DSN1: variants seen among roughly 807,000 people sequenced by gnomAD.
DSN1 encodes the protein kinetochore-associated protein DSN1 homolog.
A neutral mutation model predicts 45.7 loss-of-function variants in DSN1; 31 were observed. That is an observed-to-expected ratio of 0.68 (90% CI 0.51 to 0.92). The LOEUF is 0.92. Ranked by LOEUF, DSN1 falls within the 40% of genes least tolerant of loss-of-function variation. DSN1 has a pLI of 0.00. For missense variants in DSN1, 394 were observed against 414.2 expected, an observed-to-expected ratio of 0.95 and a Z score of 0.42; for synonymous variants, 134 against 142.3, an observed-to-expected ratio of 0.94 and a Z score of 0.41.
Position 36,755,745 on chromosome 20 carries a change from T to C in DSN1, c.810A>G (p.Thr270=), listed in dbSNP as rs1380153013. 1 of 1,614,114 alleles carries C rather than the reference T, an allele frequency of 6.2e-7. No homozygotes were observed. The highest frequency in any genetic ancestry group is 1.7e-5 in the Admixed American group (1 of 60,004). Residue 270 remains threonine (T), a synonymous_variant, in exon 9 of 11, where the codon ACA becomes ACG. Transcript: ENST00000373750. ...LGSSQNEVLN[T]KPDYQKILQN... Reference sequence around the variant, plus strand: ...GTAATATTTTCTGGTAGTCAGGTTTTGTATTAAGAACTTCATTCTGAGAAG... The same window carrying C: ...GTAATATTTTCTGGTAGTCAGGTTTCGTATTAAGAACTTCATTCTGAGAAG...
intron 10 of DSN1, among the ~76,000 whole-genome samples, chr20:36,754,006 CAA>C: frequency 7.3e-6 from 1 of 136,464 alleles, no homozygotes; most frequent in African/African-American, 2.7e-5. Context: ...AACTCCGTCT[CAA>C]AAAAAAAAAC....
At chr20:36,766,219 A>T (rs1334316942) in intron 5 of DSN1, among the ~76,000 whole-genome samples, 1 of 151,900 alleles carries the variant, frequency 6.6e-6, no homozygotes, top group African/African-American at 2.4e-5. Flanking sequence ...AAAAGAAAAA[A>T]AAAGCAATAA....
rs776036893 is a variant in DSN1, at chr20:36,770,935, C to T, written c.293G>A (p.Arg98Gln). ...CCGGTTCGTTTCTTTCATACTTGCT[C>T]GCCGCCAGGATTGCCTCCTGTCTTG... is the stretch of plus-strand genomic sequence containing the variant. ...SYQDRRQSWR[R>Q]ASMKETNRRK... Residue 98 changes from arginine (R) to glutamine (Q), a missense_variant, in exon 3 of 11, where the codon CGA becomes CAA. By Grantham distance (43) the Arg-to-Gln change is conservative (BLOSUM62 1). Transcript: ENST00000373750. 6.8e-6 allele frequency: 11 copies of T among 1,614,118 alleles called. No individual in the cohort carries two copies. In the South Asian group the frequency reaches 7.7e-5, roughly 11 times the overall value.
At chr20:36,756,721 C>G (rs1274645616) in intron 8 of DSN1, among the ~76,000 whole-genome samples, 1 of 150,730 alleles carries the variant, frequency 6.6e-6, no homozygotes, top group Non-Finnish European at 1.5e-5. Flanking sequence ...TGCCCAAGGT[C>G]ACAAAACTAA....
chr20:36,755,143 C>T (rs1018623769), intron 9 of DSN1, among the ~76,000 whole-genome samples: 1 of 152,084 alleles, frequency 6.6e-6, no homozygotes, highest in Non-Finnish European at 1.5e-5. Context: ...GTGACTTTCT[C>T]CCATTAGATG....
chr20:36,766,685 G>A (rs1243028704), intron 5 of DSN1, 84 bp downstream of exon 5: 1 of 1,202,066 alleles, frequency 8.3e-7, no homozygotes, highest in Non-Finnish European at 1.2e-6. Context: ...AGTTTTATAA[G>A]GGAGCAGCTT....
intron 5 of DSN1, among the ~76,000 whole-genome samples, chr20:36,764,138 T>A (rs778123450): frequency 3.3e-5 from 5 of 151,886 alleles, no homozygotes; most frequent in African/African-American, 4.8e-5. Flanking sequence ...GGAGAAATGC[T>A]TGAGCCTAGG....
Position 36,769,268 on chromosome 20 carries a change from C to T in DSN1, c.356-1226G>A, listed in dbSNP as rs563616429. Among the ~76,000 whole-genome samples, 443 of 152,348 alleles carry T rather than the reference C, an allele frequency of 2.9e-3. 1 individual carries two copies. Among genetic ancestry groups the T allele is most frequent in the African/African-American group, 0.01 (424 of 41,584 alleles). On this transcript the variant is annotated intron_variant, in intron 3 of 10. Coordinates refer to ENST00000373750, the MANE Select transcript of DSN1 (RefSeq NM_001145315.2). Reference sequence around the variant, plus strand: ...AGCTACATGTCTTTTTGCCCTCTAGCTTCAGCTGGTTGTGTTTTTAAAGTT... The same window carrying T: ...AGCTACATGTCTTTTTGCCCTCTAGTTTCAGCTGGTTGTGTTTTTAAAGTT...
intron 6 of DSN1, among the ~76,000 whole-genome samples, chr20:36,759,491 T>G (rs1335070246): frequency 6.6e-6 from 1 of 151,992 alleles, no homozygotes; most frequent in African/African-American, 2.4e-5. Context: ...GTAATAACTT[T>G]CTTTTTTTTT....
chr20:36,755,674 C>A lies in DSN1; in HGVS notation c.873+8G>T, dbSNP rs993154619. ...ATAACTCAACTAAATAAACATGAGC[C>A]CACTTACCACCAACTCCATACAGTC... On this transcript the variant is annotated splice_region_variant and intron_variant, in intron 9 of 10. Transcript: ENST00000373750. The A allele has an allele frequency of 1.2e-6, 2 of 1,609,116 alleles. No homozygotes were observed. The highest frequency in any genetic ancestry group is 1.7e-6 in the Non-Finnish European group (2 of 1,178,124).
At chr20:36,758,405 C>T (rs895047010) in intron 7 of DSN1, among the ~76,000 whole-genome samples, 153 bp downstream of exon 7, 5 of 152,132 alleles carry the variant, frequency 3.3e-5, no homozygotes, top group Admixed American at 1.3e-4. Flanking sequence ...TAGTAGAGTC[C>T]ATAAAAATCT....
chr20:36,766,018 C>T (rs1004262298), intron 5 of DSN1, among the ~76,000 whole-genome samples: 2 of 150,900 alleles, frequency 1.3e-5, no homozygotes, highest in South Asian at 2.1e-4. Flanking sequence ...CATGGCGAAA[C>T]CCCGTCTCTA....
At chr20:36,773,292 A>G in intron 1 of DSN1, 2 of 780,508 alleles carry the variant, frequency 2.6e-6, no homozygotes, top group Non-Finnish European at 3.1e-6. Flanking sequence ...CAGACAGGGG[A>G]ACTGAGGTTC....
chr20:36,763,885 C>CAA (rs148628979), intron 5 of DSN1, among the ~76,000 whole-genome samples: 25,026 of 37,388 alleles, frequency 0.67, 9,898 homozygotes, highest in Non-Finnish European at 0.75. Flanking sequence ...AACTCTGTCT[C>CAA]AAAAAAAAAA....
intron 2 of DSN1, 60 bp downstream of exon 2, chr20:36,771,365 G>A (rs1987640228): frequency 6.4e-7 from 1 of 1,562,856 alleles, no homozygotes; most frequent in Non-Finnish European, 8.8e-7. Context: ...GAAAGATTTG[G>A]GTATAGCTCA....
rs1986800067 is a variant in DSN1, at chr20:36,758,574, T to G, written c.634A>C (p.Lys212Gln). ...FSLEASVAEM[K>Q]EYITKFSLER... Reference sequence around the variant, plus strand: ...TTAACTTACTTTGTTATGTATTCCTTCATCTCAGCCACAGATGCTTCCAAA... The same window carrying G: ...TTAACTTACTTTGTTATGTATTCCTGCATCTCAGCCACAGATGCTTCCAAA... The change falls in exon 7 of 11, where the codon AAG becomes CAG. Residue 212 changes from lysine to glutamine, a missense_variant. Physicochemically the swap from Lys to Gln is moderately conservative, Grantham distance 53 (BLOSUM62 1). Transcript: ENST00000373750. The G allele has an allele frequency of 1.9e-6, 3 of 1,611,280 alleles. No homozygotes were observed. The highest frequency in any genetic ancestry group is 3.3e-5 in the Admixed American group (2 of 59,842).
intron 9 of DSN1, 35 bp from the exon 10 acceptor site, chr20:36,754,885 C>T (rs1256649191): frequency 6.3e-7 from 1 of 1,584,652 alleles, no homozygotes; most frequent in South Asian, 1.1e-5. Context: ...CTGTAAAGGT[C>T]CATGGCTTCT....
chr20:36,763,543 G>A (rs1357152219), intron 5 of DSN1, among the ~76,000 whole-genome samples: 8 of 151,140 alleles, frequency 5.3e-5, no homozygotes, highest in Non-Finnish European at 8.8e-5. Context: ...AGGATTGCTT[G>A]AGCCCAGCAC....
intron 9 of DSN1, 117 bp downstream of exon 9, chr20:36,755,565 A>G: frequency 3.4e-6 from 4 of 1,184,286 alleles, no homozygotes; most frequent in East Asian, 2.4e-5. Context: ...TTCCTAAGGT[A>G]GAGTTGAATA....
Sources: gnomAD v4.1 joint callset for allele counts (sites outside exome capture counted in the v4.1 genomes callset) on GRCh38, gnomAD v4.1.1 for gene constraint, MANE v1.5 for transcripts, NCBI Gene and HGNC (gene_info 2026-07-23, HGNC 2026-07-21) for gene names.